The following WASL variants were observed in gnomAD, a reference collection of about 807,000 sequenced individuals.
WASL encodes actin nucleation-promoting factor WASL.
A neutral mutation model predicts 55.5 loss-of-function variants in WASL; 20 were observed. That is an observed-to-expected ratio of 0.36 (90% CI 0.25 to 0.52). WASL has a LOEUF of 0.52. Among genes scored for constraint, WASL ranks in the 20% least tolerant of loss-of-function variants. WASL has a pLI of 0.92. For missense variants in WASL, 504 were observed against 622.5 expected (o/e 0.81, Z 2.03); for synonymous variants, 249 against 217.6 (o/e 1.14, Z -1.27).
chr7:123,687,620 C>G (rs915997610), intron 10 of WASL, among the ~76,000 whole-genome samples: 3 of 152,136 alleles, frequency 2.0e-5, no homozygotes, highest in African/African-American at 7.2e-5. Flanking sequence ...AGTCTGCCCC[C>G]TATTTCCCTT....
chr7:123,689,112 T>A lies in WASL; in HGVS notation c.1386A>T (p.Ala462=). Residue 462 remains alanine (A), a synonymous_variant, in exon 10 of 11, where the codon GCA becomes GCT. Coordinates refer to ENST00000223023, the MANE Select transcript of WASL (RefSeq NM_003941.4). ...ATGCACCCACAATTCCTGAAGTGGG[T>A]GCAGGTGTTGGTGGTGTAGACTCTT... ...DGQESTPPTP[A]PTSGIVGALM... is the part of the protein sequence containing the mutation. 1 of 1,613,900 alleles carries A rather than the reference T, an allele frequency of 6.2e-7. No individual in the cohort carries two copies.
At chr7:123,711,789 AAAAC>A (rs1442209423) in intron 1 of WASL, among the ~76,000 whole-genome samples, 3 of 152,178 alleles carry the variant, frequency 2.0e-5, no homozygotes, top group African/African-American at 7.2e-5. Flanking sequence ...ATATTAATGA[AAAAC>A]AACCTAAGAA....
At chr7:123,722,842 A>G (rs1803974342) in intron 1 of WASL, among the ~76,000 whole-genome samples, 2 of 152,144 alleles carry the variant, frequency 1.3e-5, no homozygotes, top group Non-Finnish European at 2.9e-5. Flanking sequence ...ATAACAAAGT[A>G]TAAGTACCAA....
chr7:123,744,879 G>A (rs1051320672), intron 1 of WASL, among the ~76,000 whole-genome samples: 22 of 152,076 alleles, frequency 1.4e-4, no homozygotes, highest in Admixed American at 1.3e-4. Context: ...AATACTACCA[G>A]CTAATGAATG....
At chr7:123,690,240 A>C (rs2116766984) in intron 9 of WASL, among the ~76,000 whole-genome samples, 1 of 152,346 alleles carries the variant, frequency 6.6e-6, no homozygotes, top group Middle Eastern at 3.4e-3. Context: ...CTCTCATCAA[A>C]CACATTTTTT....
At chr7:123,689,239 C>A in intron 9 of WASL, 89 bp from the exon 10 acceptor site, 1 of 1,071,866 alleles carries the variant, frequency 9.3e-7, no homozygotes, top group Non-Finnish European at 1.4e-6. Context: ...AGAATCACTT[C>A]TTATTGTAAA....
intron 1 of WASL, among the ~76,000 whole-genome samples, chr7:123,738,348 T>A (rs1294434328): frequency 6.6e-6 from 1 of 152,210 alleles, no homozygotes; most frequent in Non-Finnish European, 1.5e-5. Context: ...CTTTAGCACT[T>A]GGCCAAAGCC....
At chr7:123,705,562 T>C (rs1014915150) in intron 4 of WASL, among the ~76,000 whole-genome samples, 1 of 152,206 alleles carries the variant, frequency 6.6e-6, no homozygotes, top group South Asian at 2.1e-4. Flanking sequence ...CTGAAACTCA[T>C]CTGCTTAAGA....
rs184214165 is a variant in WASL at position 123,690,206 on chromosome 7, G to C, written c.1348-1056C>G. Among the ~76,000 whole-genome samples the C allele has an allele frequency of 3.5e-3, 531 of 152,284 alleles. 2 individuals are homozygous for C. Among genetic ancestry groups the C allele is most frequent in the Non-Finnish European group, 4.7e-3 (322 of 68,014 alleles). ...AAGCAATGTGATAATGTAAAGCAGA[G>C]AGCACAAAGCAGAAGTGAGCATACT... On this transcript the variant is annotated intron_variant, in intron 9 of 10. Transcript: ENST00000223023.
chr7:123,689,515 A>G (rs1207221516), intron 9 of WASL, among the ~76,000 whole-genome samples: 2 of 152,182 alleles, frequency 1.3e-5, no homozygotes, highest in Non-Finnish European at 2.9e-5. Context: ...CATGTTATAA[A>G]CAGAGGTTAA....
intron 1 of WASL, among the ~76,000 whole-genome samples, chr7:123,719,059 T>A (rs1803892901): frequency 6.6e-6 from 1 of 152,208 alleles, no homozygotes; most frequent in African/African-American, 2.4e-5. Flanking sequence ...CCACTAAAAC[T>A]CTACTTGTCA....
intron 1 of WASL, among the ~76,000 whole-genome samples, chr7:123,732,385 T>C (rs932946922): frequency 2.6e-5 from 4 of 152,080 alleles, no homozygotes; most frequent in Non-Finnish European, 4.4e-5. Flanking sequence ...TCACTATTGA[T>C]CTTCCAGACA....
chr7:123,720,427 AAAGT>A (rs1458718693), intron 1 of WASL: 11 of 428,336 alleles, frequency 2.6e-5, no homozygotes, highest in Admixed American at 1.5e-4. Flanking sequence ...GCAAGATGTA[AAAGT>A]AAGGGTAGCA....
intron 1 of WASL, among the ~76,000 whole-genome samples, chr7:123,710,384 T>G (rs1306724131): frequency 2.6e-5 from 4 of 151,936 alleles, no homozygotes; most frequent in African/African-American, 4.8e-5. Flanking sequence ...GGTACCTTAG[T>G]TCAACGGAAT....
rs1803214442 is a variant in WASL at position 123,682,636 on chromosome 7, T to A, written c.*1883A>T. The A allele has an allele frequency of 6.6e-6, 1 of 152,062 alleles. No homozygotes were observed. The highest frequency in any genetic ancestry group is 2.4e-5 in the African/African-American group (1 of 41,392). The allele number at this position is 152,062 out of a possible 1,614,324, so 9.4% of individuals were successfully genotyped here. A position where few individuals can be genotyped will look rare whatever the true frequency, so the allele number is the denominator to read the frequency against. ...AGACATTTCTAGGAAATTTAAAATG[T>A]TTTTTATATTGTCAAAAAGAAAAAA... On this transcript the variant is annotated 3_prime_UTR_variant, in exon 11 of 11. Transcript: ENST00000223023.
At position 123,709,234 on chromosome 7, in the gene WASL, T is replaced by C. The variant is rs529333712; in HGVS notation, c.118-11A>G. ...TGCTGAAGACATAGTCTGCAAAATA[T>C]AAAATTTATAACCATTAGGTTCAAA... is the stretch of plus-strand genomic sequence containing the variant. On this transcript the variant is annotated splice_polypyrimidine_tract_variant and intron_variant, in intron 1 of 10. Transcript: ENST00000223023. 7 of 1,596,494 alleles carry C rather than the reference T, an allele frequency of 4.4e-6. No homozygotes were observed. The African/African-American group carries it at 9.4e-5, about 21-fold the overall frequency.
chr7:123,688,206 T>C (rs1803328119), intron 10 of WASL, among the ~76,000 whole-genome samples: 1 of 152,230 alleles, frequency 6.6e-6, no homozygotes, highest in Non-Finnish European at 1.5e-5. Context: ...GAATAGGTAC[T>C]GGTTTCTTCA....
chr7:123,684,494 T>A lies in WASL; in HGVS notation c.*25A>T, dbSNP rs747829927. On this transcript the variant is annotated 3_prime_UTR_variant, in exon 11 of 11. Coordinates refer to ENST00000223023, the MANE Select transcript of WASL (RefSeq NM_003941.4). ...AGTGTTTAGTATTTCACCTTAAAAA[T>A]ATATATATATATATAATATATAGAT... 9.8e-4 allele frequency: 71 copies of A among 72,090 alleles called. No individual in the cohort carries two copies. Among genetic ancestry groups the A allele is most frequent in the South Asian group, 2.9e-3 (3 of 1,030 alleles). 4.5% of individuals were successfully genotyped at this position (72,090 alleles called of 1,614,324 possible).
chr7:123,683,293 G>A lies in WASL; in HGVS notation c.*1226C>T, dbSNP rs188493399. 1 of 152,008 alleles carries A rather than the reference G, an allele frequency of 6.6e-6. No homozygotes were observed. Among genetic ancestry groups the A allele is most frequent in the East Asian group, 1.9e-4 (1 of 5,180 alleles). 9.4% of individuals were successfully genotyped at this position (152,008 alleles called of 1,614,324 possible). A position where few individuals can be genotyped will look rare whatever the true frequency, so the allele number is the denominator to read the frequency against. ...AACCACCTTTAGGCAGATTAGTGTA[G>A]TGTAGAGAGGCAAAGAAACCCTAAT... On this transcript the variant is annotated 3_prime_UTR_variant, in exon 11 of 11. Coordinates refer to ENST00000223023, the MANE Select transcript of WASL (RefSeq NM_003941.4).
Sources: allele counts gnomAD v4.1 joint callset (sites outside exome capture counted in the v4.1 genomes callset), GRCh38; gene constraint gnomAD v4.1.1; transcripts MANE v1.5; gene names NCBI Gene and HGNC (gene_info 2026-07-23, HGNC 2026-07-21).